The following ZDHHC15 variants were observed in gnomAD, a reference collection of about 807,000 sequenced individuals.
ZDHHC15 encodes the protein zDHHC palmitoyltransferase 15, also known as palmitoyltransferase ZDHHC15.
A neutral mutation model predicts 31.7 loss-of-function variants in ZDHHC15; 19 were observed. The ratio of observed to expected loss-of-function variants is 0.60; its 90% CI spans 0.42 to 0.88. The LOEUF is 0.88. ZDHHC15 is among the 40% of genes least tolerant of loss of function. The pLI, the probability that ZDHHC15 is intolerant of heterozygous loss-of-function variation, is 0.00. For missense variants in ZDHHC15, 209 were observed against 251.2 expected (o/e 0.83, Z 1.14); for synonymous variants, 103 against 90.0 (o/e 1.14, Z -0.82).
At position 75,411,550 on chromosome X, in the gene ZDHHC15, G is replaced by A. The variant is rs1239129340; in HGVS notation, c.967+5537C>T. ...ATAGCTAGAAGAGAATAATTTGAAT[G>A]TTCCTAGCCTAAATAAAAGATAAAT... On this transcript the variant is annotated intron_variant, in intron 10 of 11. Coordinates refer to ENST00000373367, the MANE Select transcript of ZDHHC15 (RefSeq NM_144969.3). Among the ~76,000 whole-genome samples, 3 of 112,551 alleles carry A rather than the reference G, an allele frequency of 2.7e-5. No individual in the cohort carries two copies. The Admixed American group carries it at 2.8e-4, about 11-fold the overall frequency.
At chrX:75,424,137 C>A (rs1439622803) in intron 8 of ZDHHC15, among the ~76,000 whole-genome samples, 1 of 111,282 alleles carries the variant, frequency 9.0e-6, no homozygotes, top group Non-Finnish European at 1.9e-5. Flanking sequence ...AGTACCTAAA[C>A]AGCCCCTTGA....
At chrX:75,489,304 C>A (rs2084831305) in intron 2 of ZDHHC15, among the ~76,000 whole-genome samples, 1 of 112,095 alleles carries the variant, frequency 8.9e-6, no homozygotes, top group African/African-American at 3.2e-5. Flanking sequence ...TCAAGTGGGT[C>A]CCTGACCCCT....
intron 3 of ZDHHC15, among the ~76,000 whole-genome samples, chrX:75,474,575 C>CTCTTTATATATATATATAATCCCCTTT (rs2084566729): frequency 7.8e-4 from 5 of 6,388 alleles, no homozygotes; most frequent in Admixed American, 9.0e-3. Flanking sequence ...CCCCTTTATA[C>CTCTTTATATATATATATAATCCCCTTT]ACACACACAC....
At chrX:75,492,546 G>A (rs1490599419) in intron 2 of ZDHHC15, among the ~76,000 whole-genome samples, 1 of 111,316 alleles carries the variant, frequency 9.0e-6, no homozygotes, top group Non-Finnish European at 1.9e-5. Context: ...GCACTCCTCG[G>A]CAAATGTAAA....
chrX:75,518,281 C>A (rs1326349143), intron 1 of ZDHHC15, among the ~76,000 whole-genome samples: 1 of 111,199 alleles, frequency 9.0e-6, no homozygotes, highest in African/African-American at 3.3e-5. Flanking sequence ...AACAAAAAGA[C>A]AACCCAATTT....
At chrX:75,424,504 A>G in intron 8 of ZDHHC15, 148 bp downstream of exon 8, 2 of 590,050 alleles carry the variant, frequency 3.4e-6, no homozygotes, top group Non-Finnish European at 4.9e-6. Context: ...CTATTTCGGT[A>G]AAATGTATTT....
rs756558225 is a variant in ZDHHC15 at position 75,372,840 on chromosome X, T to C, written c.*138A>G. The C allele has an allele frequency of 4.5e-5, 5 of 112,051 alleles. No homozygotes were observed. The highest frequency in any genetic ancestry group is 1.6e-4 in the African/African-American group (5 of 30,939). 9.2% of individuals were successfully genotyped at this position (112,051 alleles called of 1,213,427 possible). A position where few individuals can be genotyped will look rare whatever the true frequency, so the allele number is the denominator to read the frequency against. Reference sequence around the variant, plus strand: ...CACAGCAAGTATTTGATGGAATTCTTTCAAATTTTGAAGCTTTCAATCCAA... The same window carrying C: ...CACAGCAAGTATTTGATGGAATTCTCTCAAATTTTGAAGCTTTCAATCCAA... On this transcript the variant is annotated 3_prime_UTR_variant, in exon 12 of 12. Transcript: ENST00000373367.
chrX:75,429,860 A>T (rs1180471964), intron 6 of ZDHHC15, 88 bp downstream of exon 6: 5 of 938,180 alleles, frequency 5.3e-6, no homozygotes, highest in Non-Finnish European at 7.4e-6. Flanking sequence ...TGGCAGAAAC[A>T]GGCATGTGAC....
In ZDHHC15 at chrX:75,435,596, GATC is replaced by G. The variant is rs1207160880; in HGVS notation, c.380-4079_380-4077del. On this transcript the variant is annotated intron_variant, in intron 4 of 11. Transcript: ENST00000373367. The stretch of plus-strand genomic sequence containing the variant: ...ATGTTTTTTCTGCGTCTATTGAGAT[GATC>G]ATGTGATTTTTGTTTTTACTTATGT... 3.6e-5 allele frequency among the ~76,000 whole-genome samples: 4 copies of G among 112,096 alleles called. No homozygotes were observed. The Admixed American group carries it at 3.8e-4, about 11-fold the overall frequency.
intron 9 of ZDHHC15, among the ~76,000 whole-genome samples, chrX:75,421,388 ATATATATATAT>A (rs2083626228): frequency 7.0e-4 from 3 of 4,291 alleles, no homozygotes; most frequent in African/African-American, 1.8e-3. Context: ...GTATGTGTGT[ATATATATATAT>A]TATATATATA....
chrX:75,382,848 T>C (rs767467894), intron 10 of ZDHHC15, among the ~76,000 whole-genome samples: 1 of 111,883 alleles, frequency 8.9e-6, no homozygotes, highest in South Asian at 3.8e-4. Flanking sequence ...CAAAATGTGA[T>C]ATTATAATTG....
intron 3 of ZDHHC15, among the ~76,000 whole-genome samples, chrX:75,465,467 G>A (rs751712989): frequency 1.2e-4 from 13 of 111,375 alleles, no homozygotes; most frequent in South Asian, 7.4e-4. Flanking sequence ...TTAAAAATTC[G>A]TATGGAACCA....
intron 2 of ZDHHC15, among the ~76,000 whole-genome samples, chrX:75,490,253 C>T (rs1055805824): frequency 1.8e-5 from 2 of 111,248 alleles, no homozygotes; most frequent in African/African-American, 6.5e-5. Context: ...CACAAAGATA[C>T]TCCTCGAGAA....
intron 10 of ZDHHC15, among the ~76,000 whole-genome samples, chrX:75,383,443 T>G (rs943118231): frequency 3.6e-5 from 4 of 111,398 alleles, no homozygotes; most frequent in Non-Finnish European, 7.5e-5. Flanking sequence ...TTCACTTAGC[T>G]TGGGGTCTTG....
At chrX:75,461,066 C>A (rs1041311416) in intron 3 of ZDHHC15, among the ~76,000 whole-genome samples, 3 of 111,333 alleles carry the variant, frequency 2.7e-5, no homozygotes, top group Non-Finnish European at 5.7e-5. Context: ...GAGCTGATAG[C>A]CAGAATAGCC....
At position 75,400,045 on chromosome X, in the gene ZDHHC15, C is replaced by T. The variant is rs150665066; in HGVS notation, c.967+17042G>A. Among the ~76,000 whole-genome samples, 287 of 111,736 alleles carry T rather than the reference C, an allele frequency of 2.6e-3. 3 individuals are homozygous for T. The highest frequency in any genetic ancestry group is 4.4e-3 in the Non-Finnish European group (232 of 53,178). On this transcript the variant is annotated intron_variant, in intron 10 of 11. Coordinates refer to ENST00000373367, the MANE Select transcript of ZDHHC15 (RefSeq NM_144969.3). ...GATGAGAAAAAAACCAATGCAAGAA[C>T]TCTGGTAACTCAAATGGCCCGGGTG...
chrX:75,386,174 A>G (rs1341742200), intron 10 of ZDHHC15, among the ~76,000 whole-genome samples: 3 of 111,609 alleles, frequency 2.7e-5, no homozygotes, highest in Non-Finnish European at 5.6e-5. Flanking sequence ...ATAACAAAAG[A>G]GGAAATAGGC....
intron 2 of ZDHHC15, among the ~76,000 whole-genome samples, chrX:75,503,483 C>A (rs1034829298): frequency 1.8e-5 from 2 of 110,828 alleles, no homozygotes; most frequent in East Asian, 5.7e-4. Context: ...TTGTATTTAT[C>A]ATGTGTCAGG....
At chrX:75,498,036 C>T (rs113018791) in intron 2 of ZDHHC15, among the ~76,000 whole-genome samples, 1,900 of 108,318 alleles carry the variant, frequency 0.018, 52 homozygotes, top group African/African-American at 0.061. Context: ...TGGGTTCAAG[C>T]GATTCTCCTG....
Sources: allele counts gnomAD v4.1 joint callset (sites outside exome capture counted in the v4.1 genomes callset), GRCh38; gene constraint gnomAD v4.1.1; transcripts MANE v1.5; gene names NCBI Gene and HGNC (gene_info 2026-07-23, HGNC 2026-07-21).